CBLB: variants seen among roughly 807,000 people sequenced by gnomAD.
CBLB encodes E3 ubiquitin-protein ligase CBL-B.
A neutral mutation model predicts 104.9 loss-of-function variants in CBLB; 31 were observed. That is an observed-to-expected ratio of 0.30 (90% CI 0.22 to 0.40). The LOEUF is 0.40. Among genes scored for constraint, CBLB ranks in the 10% least tolerant of loss-of-function variants. The pLI is 1.00. For synonymous variants in CBLB, 440 were observed against 422.6 expected (o/e 1.04, Z -0.51); for missense variants, 1,062 against 1,214.6 (o/e 0.87, Z 1.87).
intron 18 of CBLB, among the ~76,000 whole-genome samples, 173 bp downstream of exon 18, chr3:105,670,060 G>A (rs1576189096): frequency 6.6e-6 from 1 of 152,106 alleles, no homozygotes; most frequent in South Asian, 2.1e-4. Flanking sequence ...AGGCAGTTCT[G>A]TAGCCATTCC....
In CBLB at chr3:105,657,789, T is replaced by C. The variant is rs376063356; in HGVS notation, c.*1181A>G. The C allele has an allele frequency of 9.5e-4, 195 of 206,174 alleles. No homozygotes were observed. The highest frequency in any genetic ancestry group is 4.2e-3 in the African/African-American group (185 of 44,016). The allele number at this position is 206,174 out of a possible 1,614,324, so 12.8% of individuals were successfully genotyped here. ...TGAATGAGAGAATCTGCAAATTAAA[T>C]ATGAACTCTAATTTGATTGCAGAGA... is the stretch of plus-strand genomic sequence containing the variant. On this transcript the variant is annotated 3_prime_UTR_variant, in exon 19 of 19. Transcript: ENST00000394030.
intron 4 of CBLB, among the ~76,000 whole-genome samples, chr3:105,768,819 G>A (rs1322387316): frequency 6.6e-6 from 1 of 152,168 alleles, no homozygotes; most frequent in African/African-American, 2.4e-5. Context: ...ACTCAGAAAA[G>A]TGGACTTATG....
intron 10 of CBLB, among the ~76,000 whole-genome samples, chr3:105,719,039 G>A (rs1170042488): frequency 2.0e-5 from 3 of 152,124 alleles, no homozygotes; most frequent in African/African-American, 7.2e-5. Context: ...GAACTGACAA[G>A]GTCAATTTTT....
chr3:105,734,532 GAA>G (rs35782719), intron 8 of CBLB, among the ~76,000 whole-genome samples: 2 of 150,752 alleles, frequency 1.3e-5, no homozygotes, highest in Non-Finnish European at 3.0e-5. Flanking sequence ...CTGTCAAATT[GAA>G]AAAAAAATGA....
chr3:105,787,677 G>A (rs2081181970), intron 3 of CBLB, among the ~76,000 whole-genome samples: 1 of 152,178 alleles, frequency 6.6e-6, no homozygotes, highest in Non-Finnish European at 1.5e-5. Flanking sequence ...GTCTTAGACT[G>A]AAGAAATCCT....
chr3:105,786,894 C>T (rs1419494143), intron 3 of CBLB, among the ~76,000 whole-genome samples: 2 of 152,114 alleles, frequency 1.3e-5, no homozygotes. Flanking sequence ...CTGAACCCAA[C>T]CAGATGATTC....
intron 3 of CBLB, among the ~76,000 whole-genome samples, chr3:105,833,919 T>A (rs541647877): frequency 1.3e-3 from 193 of 151,830 alleles, no homozygotes; most frequent in Admixed American, 2.9e-3. Context: ...AAAAAAAAAA[T>A]TTGAGAGTAA....
intron 3 of CBLB, among the ~76,000 whole-genome samples, chr3:105,819,718 T>C (rs1462910198): frequency 6.6e-6 from 1 of 152,192 alleles, no homozygotes; most frequent in Non-Finnish European, 1.5e-5. Context: ...GGACTCACTG[T>C]CTTACATAGA....
chr3:105,697,287 A>G (rs1167141855), intron 12 of CBLB, among the ~76,000 whole-genome samples: 1 of 152,054 alleles, frequency 6.6e-6, no homozygotes, highest in Admixed American at 6.6e-5. Context: ...TCTTAGAGTA[A>G]TATTTCTCTA....
intron 3 of CBLB, among the ~76,000 whole-genome samples, chr3:105,809,463 A>G (rs2083966488): frequency 6.6e-6 from 1 of 152,172 alleles, no homozygotes; most frequent in African/African-American, 2.4e-5. Flanking sequence ...TCACAGAGCC[A>G]GCCACTCATG....
intron 9 of CBLB, among the ~76,000 whole-genome samples, chr3:105,722,167 T>G (rs2072942129): frequency 8.3e-6 from 1 of 120,940 alleles, no homozygotes; most frequent in Non-Finnish European, 1.6e-5. Flanking sequence ...ATGACTGCCC[T>G]CAGCCTAGGT....
chr3:105,721,702 T>C (rs1420856751), intron 9 of CBLB, among the ~76,000 whole-genome samples: 3 of 152,122 alleles, frequency 2.0e-5, no homozygotes, highest in African/African-American at 4.8e-5. Context: ...TAAATATTAT[T>C]TGCTCCATCA....
At chr3:105,786,055 G>A (rs2080950648) in intron 3 of CBLB, among the ~76,000 whole-genome samples, 2 of 27,540 alleles carry the variant, frequency 7.3e-5, no homozygotes, top group Non-Finnish European at 1.6e-4. Flanking sequence ...CACTGTGTGA[G>A]AGGATCGGGG....
chr3:105,869,348 G>A (rs530657874), upstream of CBLB: 32 of 1,336,612 alleles, frequency 2.4e-5, no homozygotes, highest in Admixed American at 6.7e-4. Flanking sequence ...AATAAGGGGT[G>A]GCAGGTGGGC....
intron 3 of CBLB, among the ~76,000 whole-genome samples, chr3:105,826,935 G>C (rs1222288110): frequency 2.0e-5 from 3 of 152,064 alleles, no homozygotes; most frequent in East Asian, 1.9e-4. Context: ...TTCACTCCCT[G>C]GTTTTCTTCA....
intron 6 of CBLB, among the ~76,000 whole-genome samples, chr3:105,744,976 C>T (rs1351163576): frequency 1.3e-5 from 2 of 151,974 alleles, no homozygotes; most frequent in African/African-American, 4.8e-5. Flanking sequence ...AAAGTACAAA[C>T]ATTATATACA....
At chr3:105,754,525 G>GAGAGAGAGAAAC (rs2076886375) in intron 4 of CBLB, among the ~76,000 whole-genome samples, 2 of 15,992 alleles carry the variant, frequency 1.3e-4, no homozygotes, top group Non-Finnish European at 3.9e-4. Context: ...GAGAGAGACA[G>GAGAGAGAGAAAC]AGAGAGAGAG....
intron 17 of CBLB, chr3:105,671,970 C>G (rs996683059): frequency 1.0e-5 from 2 of 191,628 alleles, no homozygotes; most frequent in Non-Finnish European, 2.2e-5. Context: ...CCAAAGGAAA[C>G]AAATATGGTG....
chr3:105,733,356 CAAA>C (rs1171217619), intron 9 of CBLB, among the ~76,000 whole-genome samples: 8 of 70,972 alleles, frequency 1.1e-4, no homozygotes, highest in Admixed American at 1.3e-4. Flanking sequence ...GACTCTGTCT[CAAA>C]AAAAAAAAAA....
Sources: allele counts gnomAD v4.1 joint callset (sites outside exome capture counted in the v4.1 genomes callset), GRCh38; gene constraint gnomAD v4.1.1; transcripts MANE v1.5; gene names NCBI Gene and HGNC (gene_info 2026-07-23, HGNC 2026-07-21).